NXPE2: variants seen among roughly 807,000 people sequenced by gnomAD.
NXPE2 encodes neurexophilin and PC-esterase domain family member 2, also known as NXPE family member 2.
Under a neutral mutation model 34.4 loss-of-function variants are expected in NXPE2, and 34 were observed. The observed-to-expected ratio is 0.99, with a 90% CI of 0.75 to 1.31. The LOEUF is 1.31. NXPE2 is among the 40% of genes most tolerant of loss of function. The pLI, the probability that NXPE2 is intolerant of heterozygous loss-of-function variation, is 0.00. For missense variants in NXPE2, 649 were observed against 672.5 expected, an observed-to-expected ratio of 0.97 and a Z score of 0.39; for synonymous variants, 235 against 231.3, an observed-to-expected ratio of 1.02 and a Z score of -0.15.
the NXPE2 span, chr11:114,582,492 A>G: frequency 1.2e-6 from 2 of 1,614,164 alleles, no homozygotes; most frequent in Non-Finnish European, 1.7e-6. Context: ...AGTGCCATTG[A>G]CAAACTGGCC....
the NXPE2 span, among the ~76,000 whole-genome samples, chr11:114,640,320 A>G: frequency 5.4e-5 from 8 of 146,836 alleles, no homozygotes; most frequent in African/African-American, 2.0e-4. Flanking sequence ...TTTATATATT[A>G]TATGTTTATA....
chr11:114,542,428 T>C, the NXPE2 span, among the ~76,000 whole-genome samples: 3 of 152,114 alleles, frequency 2.0e-5, no homozygotes, highest in Non-Finnish European at 4.4e-5. Flanking sequence ...AAGTTTGATA[T>C]GAGGATTTAT....
At chr11:114,522,252 C>T in the NXPE2 span, 4 of 1,613,914 alleles carry the variant, frequency 2.5e-6, no homozygotes, top group African/African-American at 5.3e-5. Context: ...ACACCGATGG[C>T]CCTGCGAATA....
At chr11:114,737,615 A>AAAAC in the NXPE2 span, among the ~76,000 whole-genome samples, 1 of 152,176 alleles carries the variant, frequency 6.6e-6, no homozygotes, top group African/African-American at 2.4e-5. Context: ...TGTGGATGAG[A>AAAAC]AAACAGAGAC....
the NXPE2 span, among the ~76,000 whole-genome samples, chr11:114,760,380 A>C: frequency 2.0e-5 from 3 of 152,156 alleles, no homozygotes; most frequent in Non-Finnish European, 4.4e-5. Flanking sequence ...GGGAGAAATA[A>C]ATTTCTGTTG....
At chr11:114,531,104 T>C in the NXPE2 span, among the ~76,000 whole-genome samples, 1 of 151,634 alleles carries the variant, frequency 6.6e-6, no homozygotes, top group Non-Finnish European at 1.5e-5. Flanking sequence ...ATTATGATGA[T>C]GATATAATAT....
At chr11:114,550,330 T>G in the NXPE2 span, among the ~76,000 whole-genome samples, 1 of 152,104 alleles carries the variant, frequency 6.6e-6, no homozygotes, top group African/African-American at 2.4e-5. Context: ...TAAAACTTAC[T>G]TGTAAAAATC....
chr11:114,639,848 TATA>T, the NXPE2 span, among the ~76,000 whole-genome samples: 3 of 102,310 alleles, frequency 2.9e-5, no homozygotes, highest in Admixed American at 4.3e-4. Flanking sequence ...AAATATAAAA[TATA>T]ATATATATTA....
chr11:114,720,489 C>T, the NXPE2 span, among the ~76,000 whole-genome samples: 1 of 152,156 alleles, frequency 6.6e-6, no homozygotes, highest in Non-Finnish European at 1.5e-5. Flanking sequence ...AGGTTCATAC[C>T]TTAGAAAGCT....
chr11:114,697,834 A>G (rs1417099034), intron 2 of NXPE2, among the ~76,000 whole-genome samples: 1 of 152,166 alleles, frequency 6.6e-6, no homozygotes, highest in African/African-American at 2.4e-5. Context: ...TAAGTCAGTG[A>G]CTCCTAAAGA....
chr11:114,583,618 G>A, the NXPE2 span: 1 of 593,206 alleles, frequency 1.7e-6, no homozygotes. Context: ...CAAGTGCTGT[G>A]AAACTTAATG....
chr11:114,757,508 C>A, the NXPE2 span, among the ~76,000 whole-genome samples: 1 of 151,938 alleles, frequency 6.6e-6, no homozygotes, highest in East Asian at 1.9e-4. Flanking sequence ...ACTTTTATAC[C>A]GCTTTCTCTC....
the NXPE2 span, among the ~76,000 whole-genome samples, chr11:114,589,427 G>T: frequency 6.6e-6 from 1 of 152,094 alleles, no homozygotes; most frequent in African/African-American, 2.4e-5. Context: ...ATAGCATGAG[G>T]GGTGTGGGGT....
chr11:114,610,676 C>T, the NXPE2 span, among the ~76,000 whole-genome samples: 1 of 151,958 alleles, frequency 6.6e-6, no homozygotes, highest in South Asian at 2.1e-4. Context: ...TACATGTTGC[C>T]TCGTGGTTAA....
At chr11:114,521,317 T>A in the NXPE2 span, among the ~76,000 whole-genome samples, 1 of 152,224 alleles carries the variant, frequency 6.6e-6, no homozygotes, top group Non-Finnish European at 1.5e-5. Flanking sequence ...GGATTTTATA[T>A]ATTATGTATT....
chr11:114,608,579 A>C, the NXPE2 span, among the ~76,000 whole-genome samples: 4 of 146,446 alleles, frequency 2.7e-5, no homozygotes, highest in Non-Finnish European at 6.0e-5. Flanking sequence ...ACTGATACCC[A>C]CTGGATAATA....
At chr11:114,626,053 C>T in the NXPE2 span, among the ~76,000 whole-genome samples, 2 of 152,338 alleles carry the variant, frequency 1.3e-5, no homozygotes, top group South Asian at 2.1e-4. Flanking sequence ...TGATTGCTAG[C>T]ACAGCAGTCT....
the NXPE2 span, among the ~76,000 whole-genome samples, chr11:114,611,131 A>G: frequency 6.7e-6 from 1 of 149,444 alleles, no homozygotes; most frequent in Non-Finnish European, 1.5e-5. Context: ...GTATTGCCTC[A>G]TGGGTCCTCA....
At chr11:114,579,548 G>A in the NXPE2 span, among the ~76,000 whole-genome samples, 2 of 152,168 alleles carry the variant, frequency 1.3e-5, no homozygotes, top group Non-Finnish European at 1.5e-5. Flanking sequence ...CCTCACTTCT[G>A]ACATCTGTTC....
Sources: gnomAD v4.1 joint callset for allele counts (sites outside exome capture counted in the v4.1 genomes callset) on GRCh38, gnomAD v4.1.1 for gene constraint, MANE v1.5 for transcripts, NCBI Gene and HGNC (gene_info 2026-07-23, HGNC 2026-07-21) for gene names.